MAP2K5: variants seen among roughly 807,000 people sequenced by gnomAD.
MAP2K5 encodes the protein mitogen-activated protein kinase kinase 5.
In MAP2K5, 49 loss-of-function variants were observed where a neutral mutation model predicts 83.1. The observed-to-expected ratio is 0.59, with a 90% CI of 0.47 to 0.75. MAP2K5 has a LOEUF of 0.75. Ranked by LOEUF, MAP2K5 falls within the 30% of genes least tolerant of loss-of-function variation. The pLI is 0.00. For synonymous variants in MAP2K5, 202 were observed against 191.8 expected (o/e 1.05, Z -0.44); for missense variants, 457 against 557.5 (o/e 0.82, Z 1.82).
chr15:67,677,316 C>T lies in MAP2K5; in HGVS notation c.847+12671C>T, dbSNP rs1247736763. On this transcript the variant is annotated intron_variant, in intron 13 of 21. Transcript: ENST00000178640. This position sits in a 1 kb window ranked among gnomAD's most constrained non-coding sequence, Gnocchi z 4.2. Reference sequence around the variant, plus strand: ...TTTCATTAATTTGAACCTCAATTTCCTCCTCTGTAAAATGGGGTTAATAAT... The same window carrying T: ...TTTCATTAATTTGAACCTCAATTTCTTCCTCTGTAAAATGGGGTTAATAAT... 6.6e-6 allele frequency among the ~76,000 whole-genome samples: 1 copy of T among 152,144 alleles called. No homozygotes were observed. Among genetic ancestry groups the T allele is most frequent in the African/African-American group, 2.4e-5 (1 of 41,424 alleles).
Position 67,572,692 on chromosome 15 carries a change from ATAT to A in MAP2K5, c.253-8048_253-8046del, listed in dbSNP as rs1359000044. On this transcript the variant is annotated intron_variant, in intron 3 of 21. Coordinates refer to ENST00000178640, the MANE Select transcript of MAP2K5 (RefSeq NM_145160.3). This position sits in a 1 kb window ranked among gnomAD's most constrained non-coding sequence, Gnocchi z 4.2. ...TAATTACTATATTTTGCAAGAATTG[ATAT>A]TATTATTATTATTTTTTTTTTTGAG... Among the ~76,000 whole-genome samples, 1 of 131,176 alleles carries A rather than the reference ATAT, an allele frequency of 7.6e-6. No individual in the cohort carries two copies. Among genetic ancestry groups the A allele is most frequent in the Non-Finnish European group, 1.7e-5 (1 of 59,714 alleles). The allele number at this position is 131,176 out of a possible 152,430, so 86.1% of individuals were successfully genotyped here.
chr15:67,718,977 G>T (rs2088892978), intron 16 of MAP2K5, among the ~76,000 whole-genome samples: 1 of 151,910 alleles, frequency 6.6e-6, no homozygotes, highest in Non-Finnish European at 1.5e-5. Context: ...ATCACCTGTT[G>T]TGCCATGAAT....
Position 67,738,272 on chromosome 15 carries a change from C to T in MAP2K5, c.1075-9959C>T, listed in dbSNP as rs2089390282. ...TCAGAAACAAGTTGCAGAGAGCACT[C>T]TTCTGGGCATAAGGCATGAGGCGAC... On this transcript the variant is annotated intron_variant, in intron 17 of 21. Transcript: ENST00000178640. This position sits in a 1 kb window ranked among gnomAD's most constrained non-coding sequence, Gnocchi z 4.1. Among the ~76,000 whole-genome samples the T allele has an allele frequency of 1.3e-5, 2 of 152,214 alleles. No individual in the cohort carries two copies. Among genetic ancestry groups the T allele is most frequent in the Non-Finnish European group, 2.9e-5 (2 of 68,038 alleles).
intron 16 of MAP2K5, among the ~76,000 whole-genome samples, chr15:67,716,233 C>T (rs751696892): frequency 3.3e-5 from 5 of 152,100 alleles, no homozygotes; most frequent in South Asian, 2.1e-4. Flanking sequence ...CCCAGCTACT[C>T]GGGAGGCTGA....
In MAP2K5 at chr15:67,724,812, A is replaced by G. The variant is rs2089053462; in HGVS notation, c.1045-3104A>G. ...AAATGACTGCTTTCAGTGCCAGCCT[A>G]ATAGTGCACTTGCCAGTTTTCACTG... On this transcript the variant is annotated intron_variant, in intron 16 of 21. Coordinates refer to ENST00000178640, the MANE Select transcript of MAP2K5 (RefSeq NM_145160.3). The surrounding 1 kb of genome is among the most constrained non-coding windows in gnomAD (Gnocchi z 4.4). Among the ~76,000 whole-genome samples the G allele has an allele frequency of 6.6e-6, 1 of 152,220 alleles. No individual in the cohort carries two copies. The highest frequency in any genetic ancestry group is 2.4e-5 in the African/African-American group (1 of 41,460).
chr15:67,632,206 C>G (rs1423130140), intron 9 of MAP2K5, among the ~76,000 whole-genome samples: 1 of 150,896 alleles, frequency 6.6e-6, no homozygotes, highest in Non-Finnish European at 1.5e-5. Context: ...TCCAAGAGAT[C>G]CTCCTACTTC....
chr15:67,798,085 A>T (rs11635396), intron 21 of MAP2K5, among the ~76,000 whole-genome samples: 1 of 152,082 alleles, frequency 6.6e-6, no homozygotes, highest in Non-Finnish European at 1.5e-5. Context: ...ACAGCCATCA[A>T]TCACCCCCAG....
chr15:67,783,436 C>T lies in MAP2K5; in HGVS notation c.1242+10684C>T, dbSNP rs539345584. 5.3e-5 allele frequency among the ~76,000 whole-genome samples: 8 copies of T among 152,196 alleles called. No homozygotes were observed. Among genetic ancestry groups the T allele is most frequent in the Non-Finnish European group, 7.3e-5 (5 of 68,036 alleles). On this transcript the variant is annotated intron_variant, in intron 21 of 21. Transcript: ENST00000178640. The surrounding 1 kb of genome is among the most constrained non-coding windows in gnomAD (Gnocchi z 5.1). The stretch of plus-strand genomic sequence containing the variant: ...CATGTCTTTGCTTGTGCTGTTTTCT[C>T]ACCGCCAGATGGTGAACTTCTCCAC...
In MAP2K5 at chr15:67,542,720, C is replaced by G. The variant is rs1421659129; in HGVS notation, c.-616C>G. On this transcript the variant is annotated 5_prime_UTR_variant, in exon 1 of 22. Transcript: ENST00000178640. Reference sequence around the variant, plus strand: ...TCGCCGCCGCCTTCCTCCTCCTCCTCTCGCCGCTACCGCCGTCGCCGCCGC... The same window carrying G: ...TCGCCGCCGCCTTCCTCCTCCTCCTGTCGCCGCTACCGCCGTCGCCGCCGC... 6.8e-6 allele frequency: 1 copy of G among 146,060 alleles called. No homozygotes were observed. The highest frequency in any genetic ancestry group is 1.5e-5 in the Non-Finnish European group (1 of 66,072). 9.0% of individuals were successfully genotyped at this position (146,060 alleles called of 1,614,324 possible). A position where few individuals can be genotyped will look rare whatever the true frequency, so the allele number is the denominator to read the frequency against.
intron 17 of MAP2K5, among the ~76,000 whole-genome samples, chr15:67,728,146 G>C (rs2089141815): frequency 6.6e-6 from 1 of 152,138 alleles, no homozygotes; most frequent in Non-Finnish European, 1.5e-5. Context: ...TCTTGTTAAA[G>C]GTTGAGAGTG....
intron 8 of MAP2K5, among the ~76,000 whole-genome samples, chr15:67,630,559 C>G (rs569070562): frequency 2.2e-4 from 33 of 152,280 alleles, no homozygotes; most frequent in Non-Finnish European, 4.3e-4. Context: ...AGCCAAAAGA[C>G]CTAGGTTTGA....
intron 13 of MAP2K5, among the ~76,000 whole-genome samples, chr15:67,672,491 C>A (rs1401713506): frequency 8.0e-5 from 12 of 150,376 alleles, no homozygotes; most frequent in African/African-American, 2.9e-4. Flanking sequence ...GTCCTTCGCC[C>A]ACTTTTTGAT....
At chr15:67,610,918 G>A (rs1191950307) in intron 8 of MAP2K5, among the ~76,000 whole-genome samples, 1 of 152,142 alleles carries the variant, frequency 6.6e-6, no homozygotes, top group African/African-American at 2.4e-5. Flanking sequence ...AGAGTACAGT[G>A]GTATTGCTGA....
chr15:67,734,699 T>C (rs984506582), intron 17 of MAP2K5, among the ~76,000 whole-genome samples: 110 of 152,162 alleles, frequency 7.2e-4, no homozygotes, highest in African/African-American at 2.6e-3. Context: ...AATTGCAAAA[T>C]ACCTAAAAAG....
Position 67,764,453 on chromosome 15 carries a change from C to A in MAP2K5, c.1135-5149C>A, listed in dbSNP as rs927414260. Among the ~76,000 whole-genome samples, 1 of 152,186 alleles carries A rather than the reference C, an allele frequency of 6.6e-6. No homozygotes were observed. Among genetic ancestry groups the A allele is most frequent in the African/African-American group, 2.4e-5 (1 of 41,434 alleles). ...TCTGCCAGCCAAACTGAACCAAAAC[C>A]TCAGTGCCCTCCTGTTCATCCTGAG... On this transcript the variant is annotated intron_variant, in intron 19 of 21. Coordinates refer to ENST00000178640, the MANE Select transcript of MAP2K5 (RefSeq NM_145160.3). This position sits in a 1 kb window ranked among gnomAD's most constrained non-coding sequence, Gnocchi z 4.9.
At chr15:67,718,861 G>A (rs921554613) in intron 16 of MAP2K5, among the ~76,000 whole-genome samples, 3 of 152,092 alleles carry the variant, frequency 2.0e-5, no homozygotes, top group African/African-American at 7.2e-5. Context: ...TCACATCAGG[G>A]TAAATGGGGT....
chr15:67,581,495 A>G (rs1328437117), intron 4 of MAP2K5, among the ~76,000 whole-genome samples: 1 of 152,204 alleles, frequency 6.6e-6, no homozygotes, highest in Non-Finnish European at 1.5e-5. Flanking sequence ...CAGTTTAATT[A>G]TATAAACCAT....
chr15:67,718,275 G>C (rs1311172412), intron 16 of MAP2K5: 2 of 152,196 alleles, frequency 1.3e-5, no homozygotes, highest in Admixed American at 1.3e-4. Flanking sequence ...TTTAGAACTG[G>C]AAGCCCCCAA....
At position 67,724,560 on chromosome 15, in the gene MAP2K5, C is replaced by T. The variant is rs980609121; in HGVS notation, c.1045-3356C>T. On this transcript the variant is annotated intron_variant, in intron 16 of 21. Coordinates refer to ENST00000178640, the MANE Select transcript of MAP2K5 (RefSeq NM_145160.3). This position sits in a 1 kb window ranked among gnomAD's most constrained non-coding sequence, Gnocchi z 4.4. ...CAGACACGTGCCACCACACGCCTCTCATTTTTGTAGAGAACTCGTTCTTCA... is the reference window on the plus strand; with the variant it reads ...CAGACACGTGCCACCACACGCCTCTTATTTTTGTAGAGAACTCGTTCTTCA... Among the ~76,000 whole-genome samples the T allele has an allele frequency of 6.6e-6, 1 of 152,130 alleles. No individual in the cohort carries two copies. Among genetic ancestry groups the T allele is most frequent in the South Asian group, 2.1e-4 (1 of 4,820 alleles).
Sources: allele counts gnomAD v4.1 joint callset (sites outside exome capture counted in the v4.1 genomes callset), GRCh38; gene constraint gnomAD v4.1.1; non-coding constraint Gnocchi (gnomAD v3.1); transcripts MANE v1.5; gene names NCBI Gene and HGNC (gene_info 2026-07-23, HGNC 2026-07-21).